Variants in CNTN5 observed in about 807,000 individuals in gnomAD.
CNTN5 encodes the protein contactin-5.
In CNTN5, 77 loss-of-function variants were observed where a neutral mutation model predicts 129.1. The observed-to-expected ratio is 0.60, with a 90% CI of 0.50 to 0.72. CNTN5 has a LOEUF of 0.72. CNTN5 is among the 30% of genes least tolerant of loss of function. CNTN5 has a pLI of 0.00. For synonymous variants in CNTN5, 509 were observed against 465.6 expected (o/e 1.09, Z -1.20); for missense variants, 1,478 against 1,328.8 (o/e 1.11, Z -1.75).
chr11:100,308,455 C>A lies in CNTN5; in HGVS notation c.2717C>A (p.Pro906Gln). The A allele has an allele frequency of 6.2e-7, 1 of 1,610,036 alleles. No individual in the cohort carries two copies. Among genetic ancestry groups the A allele is most frequent in the Non-Finnish European group, 8.5e-7 (1 of 1,177,402 alleles). Reference sequence around the variant, plus strand: ...CACATTAAAGAGAGTCTAGGAAGACCACAGGGATTTGAGGTATGAACAGAA... The same window carrying A: ...CACATTAAAGAGAGTCTAGGAAGACAACAGGGATTTGAGGTATGAACAGAA... ...WKHIKESLGR[P>Q]QGFEVGYWKD... is the part of the protein sequence containing the mutation. Residue 906 changes from proline (P) to glutamine (Q), a missense_variant, in exon 21 of 25, where the codon CCA becomes CAA. Coordinates refer to ENST00000524871, the MANE Select transcript of CNTN5 (RefSeq NM_014361.4).
At chr11:100,122,369 C>T (rs1182437128) in intron 13 of CNTN5, among the ~76,000 whole-genome samples, 3 of 151,948 alleles carry the variant, frequency 2.0e-5, no homozygotes, top group Admixed American at 1.3e-4. Flanking sequence ...TTCTATCAGG[C>T]GCCCAGCAGA....
chr11:99,484,030 G>C (rs528197949), intron 2 of CNTN5, among the ~76,000 whole-genome samples: 2 of 151,882 alleles, frequency 1.3e-5, no homozygotes, highest in Non-Finnish European at 2.9e-5. Flanking sequence ...CAAAGCACAG[G>C]CAACAAAAGC....
chr11:99,837,143 T>C (rs1348122325), intron 4 of CNTN5, among the ~76,000 whole-genome samples: 1 of 152,188 alleles, frequency 6.6e-6, no homozygotes, highest in Non-Finnish European at 1.5e-5. Flanking sequence ...CTCAGTCTCA[T>C]TTTTCCCAGC....
chr11:99,503,668 G>A (rs1946508412), intron 2 of CNTN5, among the ~76,000 whole-genome samples: 1 of 152,116 alleles, frequency 6.6e-6, no homozygotes, highest in Non-Finnish European at 1.5e-5. Flanking sequence ...GTCATCCGCA[G>A]CTTCTAATAA....
At chr11:100,055,154 C>T (rs1322181754) in intron 9 of CNTN5, among the ~76,000 whole-genome samples, 1 of 151,014 alleles carries the variant, frequency 6.6e-6, no homozygotes, top group Non-Finnish European at 1.5e-5. Context: ...AAATTATACT[C>T]GTCTTTTCTA....
At chr11:99,240,342 T>C (rs1591403164) in intron 1 of CNTN5, among the ~76,000 whole-genome samples, 2 of 152,234 alleles carry the variant, frequency 1.3e-5, no homozygotes, top group Middle Eastern at 6.8e-3. Flanking sequence ...GAACGGGCAT[T>C]ATCTGTTCAT....
intron 3 of CNTN5, among the ~76,000 whole-genome samples, chr11:99,611,506 A>C (rs1309634876): frequency 2.6e-5 from 4 of 152,194 alleles, no homozygotes; most frequent in Non-Finnish European, 5.9e-5. Flanking sequence ...AGTCAGTTCA[A>C]ATTCTCTAAG....
intron 9 of CNTN5, among the ~76,000 whole-genome samples, chr11:100,041,927 C>A (rs1473408958): frequency 6.6e-6 from 1 of 152,154 alleles, no homozygotes; most frequent in Non-Finnish European, 1.5e-5. Flanking sequence ...TACATAATCA[C>A]ACGTTCTGAG....
chr11:99,249,125 A>G (rs541883138), intron 1 of CNTN5, among the ~76,000 whole-genome samples: 3 of 152,164 alleles, frequency 2.0e-5, no homozygotes, highest in East Asian at 1.9e-4. Flanking sequence ...ATTTGTTCGC[A>G]TCCTCTTTTA....
chr11:100,095,811 G>T (rs775839148), intron 13 of CNTN5, among the ~76,000 whole-genome samples: 1 of 152,076 alleles, frequency 6.6e-6, no homozygotes, highest in Non-Finnish European at 1.5e-5. Flanking sequence ...TTATCTACAC[G>T]TGTGCCTTCG....
intron 16 of CNTN5, among the ~76,000 whole-genome samples, chr11:100,229,928 C>T (rs1949455079): frequency 6.6e-6 from 1 of 152,022 alleles, no homozygotes; most frequent in Non-Finnish European, 1.5e-5. Context: ...TAAGCCTTCA[C>T]ATGGTTGAGT....
intron 8 of CNTN5, among the ~76,000 whole-genome samples, chr11:99,977,845 T>TA (rs1938090588): frequency 6.6e-6 from 1 of 152,184 alleles, no homozygotes; most frequent in South Asian, 2.1e-4. Context: ...ACATAACAAA[T>TA]ACACTAGTCA....
At chr11:100,105,382 T>G (rs958514246) in intron 13 of CNTN5, among the ~76,000 whole-genome samples, 1 of 152,048 alleles carries the variant, frequency 6.6e-6, no homozygotes, top group Admixed American at 6.5e-5. Flanking sequence ...TCTTGCTTCA[T>G]TTGCAAGCAA....
chr11:99,992,615 T>C (rs1381050788), intron 8 of CNTN5, among the ~76,000 whole-genome samples: 1 of 152,220 alleles, frequency 6.6e-6, no homozygotes, highest in Admixed American at 6.5e-5. Flanking sequence ...GGCTTAGAGT[T>C]GAACTCTGTT....
At chr11:99,761,714 G>T (rs1386526932) in intron 3 of CNTN5, among the ~76,000 whole-genome samples, 1 of 150,536 alleles carries the variant, frequency 6.6e-6, no homozygotes, top group Non-Finnish European at 1.5e-5. Flanking sequence ...GAATAATGCC[G>T]CAATAAACAT....
intron 13 of CNTN5, among the ~76,000 whole-genome samples, chr11:100,171,082 TG>T (rs1299131668): frequency 6.8e-6 from 1 of 146,554 alleles, no homozygotes; most frequent in Non-Finnish European, 1.5e-5. Context: ...AAAAGTTGAT[TG>T]ATGTTGATTT....
intron 6 of CNTN5, among the ~76,000 whole-genome samples, chr11:99,912,995 A>T (rs543156751): frequency 6.6e-6 from 1 of 152,052 alleles, no homozygotes; most frequent in East Asian, 1.9e-4. Flanking sequence ...TGTATTTTTG[A>T]CCTTGTGTAA....
At chr11:99,987,538 T>TAC (rs1383468551) in intron 8 of CNTN5, among the ~76,000 whole-genome samples, 1 of 149,890 alleles carries the variant, frequency 6.7e-6, no homozygotes, top group African/African-American at 2.5e-5. Flanking sequence ...TATATATATA[T>TAC]ATATACACAT....
intron 6 of CNTN5, among the ~76,000 whole-genome samples, chr11:99,852,360 T>C (rs889745921): frequency 2.0e-5 from 3 of 152,214 alleles, no homozygotes; most frequent in African/African-American, 7.2e-5. Context: ...TAAAATACTG[T>C]ATAGATGGTG....
Sources: allele counts gnomAD v4.1 joint callset (sites outside exome capture counted in the v4.1 genomes callset), GRCh38; gene constraint gnomAD v4.1.1; transcripts MANE v1.5; gene names NCBI Gene and HGNC (gene_info 2026-07-23, HGNC 2026-07-21).